SULT4A1: variants seen among roughly 807,000 people sequenced by gnomAD.
SULT4A1 encodes the protein sulfotransferase 4A1.
A neutral mutation model predicts 35.2 loss-of-function variants in SULT4A1; 11 were observed. That is an observed-to-expected ratio of 0.31 (90% confidence interval 0.20 to 0.52). SULT4A1 has a LOEUF of 0.52. Among genes scored for constraint, SULT4A1 ranks in the 20% least tolerant of loss-of-function variants. SULT4A1 has a pLI of 0.97. For missense variants in SULT4A1, 271 were observed against 383.7 expected (o/e 0.71, Z 2.45); for synonymous variants, 152 against 151.8 (o/e 1.00, Z -0.01).
chr22:43,836,923 G>A (rs924804818), intron 4 of SULT4A1, among the ~76,000 whole-genome samples: 2 of 152,158 alleles, frequency 1.3e-5, no homozygotes, highest in Non-Finnish European at 2.9e-5. Context: ...GTCACAGGAA[G>A]CCTGTCACGG....
intron 6 of SULT4A1, 154 bp downstream of exon 6, chr22:43,828,906 G>C (rs2148276258): frequency 2.4e-6 from 2 of 821,376 alleles, no homozygotes; most frequent in South Asian, 4.0e-5. Flanking sequence ...ATGGGCACCA[G>C]CTAACAGAGC....
intron 1 of SULT4A1, among the ~76,000 whole-genome samples, chr22:43,854,832 T>A (rs1030070109): frequency 6.6e-6 from 1 of 152,216 alleles, no homozygotes; most frequent in African/African-American, 2.4e-5. Context: ...CCTTGCCTTC[T>A]GAGACCACCT....
chr22:43,854,801 C>T (rs367603130), intron 1 of SULT4A1, among the ~76,000 whole-genome samples: 1 of 152,352 alleles, frequency 6.6e-6, no homozygotes, highest in East Asian at 1.9e-4. Context: ...ACAGAGGAAC[C>T]CCTTTCCTGG....
chr22:43,846,337 C>T (rs1330543663), intron 1 of SULT4A1, among the ~76,000 whole-genome samples: 1 of 152,246 alleles, frequency 6.6e-6, no homozygotes, highest in Non-Finnish European at 1.5e-5. Context: ...TCTACCTGCC[C>T]AGAAAAAGCC....
intron 1 of SULT4A1, among the ~76,000 whole-genome samples, chr22:43,844,781 C>T (rs2063461817): frequency 1.3e-5 from 2 of 152,212 alleles, no homozygotes; most frequent in Admixed American, 6.5e-5. Flanking sequence ...CCGGGATCAC[C>T]TGCAGTGCAC....
chr22:43,825,964 C>T lies in SULT4A1; in HGVS notation c.*37G>A, dbSNP rs368373858. 6.3e-7 allele frequency: 1 copy of T among 1,594,718 alleles called. No homozygotes were observed. The highest frequency in any genetic ancestry group is 1.3e-5 in the African/African-American group (1 of 74,346). ...ACAGGACTTTTGGCTAGTAGACTGT[C>T]TGGGTATTGTGAGCATGCAGGTTGT... On this transcript the variant is annotated 3_prime_UTR_variant, in exon 7 of 7. Coordinates refer to ENST00000330884, the MANE Select transcript of SULT4A1 (RefSeq NM_014351.4).
At chr22:43,850,950 T>A (rs1261142249) in intron 1 of SULT4A1, among the ~76,000 whole-genome samples, 1 of 152,140 alleles carries the variant, frequency 6.6e-6, no homozygotes, top group Non-Finnish European at 1.5e-5. Context: ...GCCAGACAGT[T>A]GGCAAGGGTT....
At chr22:43,829,022 G>C in intron 6 of SULT4A1, 38 bp downstream of exon 6, 1 of 1,492,792 alleles carries the variant, frequency 6.7e-7, no homozygotes, top group Non-Finnish European at 9.0e-7. Context: ...TGGCTGGGGT[G>C]GGGAGTGCCT....
intron 1 of SULT4A1, among the ~76,000 whole-genome samples, chr22:43,848,947 TG>T (rs1194074737): frequency 6.6e-6 from 1 of 152,240 alleles, no homozygotes; most frequent in Non-Finnish European, 1.5e-5. Context: ...GCAAGTCGGC[TG>T]GAAGCAGTAA....
intron 4 of SULT4A1, among the ~76,000 whole-genome samples, chr22:43,835,372 C>G (rs1025155710): frequency 5.3e-5 from 8 of 152,240 alleles, no homozygotes; most frequent in African/African-American, 1.9e-4. Context: ...AGTTAAGGAT[C>G]ACTGGGCAGT....
At chr22:43,830,598 C>T (rs139593622) in intron 5 of SULT4A1, among the ~76,000 whole-genome samples, 3 of 152,350 alleles carry the variant, frequency 2.0e-5, no homozygotes, top group East Asian at 1.9e-4. Context: ...ACGGAGCCAG[C>T]GTGTTGGGGT....
In SULT4A1 at chr22:43,839,139, G is replaced by A. The variant is rs2063403040; in HGVS notation, c.382-146C>T. On this transcript the variant is annotated intron_variant, in intron 3 of 6. Coordinates refer to ENST00000330884, the MANE Select transcript of SULT4A1 (RefSeq NM_014351.4). ...CGTCCAGCTGGGGCCCATGTGCACGGCTGCTGGGTGCTGCTGCTTCGCTGT... is the reference window on the plus strand; with the variant it reads ...CGTCCAGCTGGGGCCCATGTGCACGACTGCTGGGTGCTGCTGCTTCGCTGT... 4 of 992,314 alleles carry A rather than the reference G, an allele frequency of 4.0e-6. No individual in the cohort carries two copies. In the South Asian group the frequency reaches 6.5e-5, roughly 16 times the overall value. 61.5% of individuals were successfully genotyped at this position (992,314 alleles called of 1,614,324 possible).
intron 4 of SULT4A1, 59 bp from the exon 5 acceptor site, chr22:43,833,793 G>A (rs1006751017): frequency 1.4e-6 from 2 of 1,420,314 alleles, no homozygotes; most frequent in East Asian, 5.0e-5. Flanking sequence ...GCACACATGG[G>A]GCCATCCCCA....
intron 1 of SULT4A1, among the ~76,000 whole-genome samples, chr22:43,859,206 C>T (rs997949510): frequency 2.0e-5 from 3 of 152,172 alleles, no homozygotes; most frequent in Admixed American, 6.5e-5. Context: ...CTTCAGCTCC[C>T]CTCAGCTTCA....
intron 4 of SULT4A1, among the ~76,000 whole-genome samples, chr22:43,836,875 C>T (rs1405950597): frequency 2.6e-5 from 4 of 152,262 alleles, no homozygotes; most frequent in African/African-American, 9.6e-5. Context: ...GCAGGTGCCA[C>T]AGGGAGCCTG....
chr22:43,832,547 G>A (rs556408295), intron 5 of SULT4A1, among the ~76,000 whole-genome samples: 23 of 152,116 alleles, frequency 1.5e-4, no homozygotes, highest in South Asian at 4.1e-4. Context: ...TGCAGGAAAC[G>A]CAAGGCACAC....
In SULT4A1 at chr22:43,829,809, G is replaced by C. The variant is rs532968118; in HGVS notation, c.604-611C>G. Among the ~76,000 whole-genome samples, 5 of 151,150 alleles carry C rather than the reference G, an allele frequency of 3.3e-5. No homozygotes were observed. In the East Asian group the frequency reaches 9.7e-4, roughly 29 times the overall value. ...TTCTCCCCAAGAGATGAGGCTCCTC[G>C]TCTTCTCAATCACAGCCCTGAGCTG... On this transcript the variant is annotated intron_variant, in intron 5 of 6. Transcript: ENST00000330884.
intron 5 of SULT4A1, among the ~76,000 whole-genome samples, chr22:43,830,387 G>A (rs1029224192): frequency 2.6e-5 from 4 of 152,212 alleles, no homozygotes; most frequent in African/African-American, 7.2e-5. Flanking sequence ...GCGGCGTGAC[G>A]TCCATCTCAG....
At chr22:43,850,956 G>GGGTT (rs1233985084) in intron 1 of SULT4A1, among the ~76,000 whole-genome samples, 1 of 152,094 alleles carries the variant, frequency 6.6e-6, no homozygotes, top group Non-Finnish European at 1.5e-5. Context: ...CAGTTGGCAA[G>GGGTT]GGTTGGGGGT....
Sources: allele counts gnomAD v4.1 joint callset (sites outside exome capture counted in the v4.1 genomes callset), GRCh38; gene constraint gnomAD v4.1.1; transcripts MANE v1.5; gene names NCBI Gene and HGNC (gene_info 2026-07-23, HGNC 2026-07-21).